TENM3: variants seen among roughly 807,000 people sequenced by gnomAD.
TENM3 encodes teneurin transmembrane protein 3.
Under a neutral mutation model 255.1 loss-of-function variants are expected in TENM3, and 63 were observed. That is an observed-to-expected ratio of 0.25 (90% CI 0.20 to 0.30). The LOEUF is 0.30. Among genes scored for constraint, TENM3 ranks in the 10% least tolerant of loss-of-function variants. The probability of loss-of-function intolerance (pLI) is 1.00; values close to 1 mark genes in which losing one functional copy is unlikely to be tolerated. For synonymous variants in TENM3, 1,306 were observed against 1,322.3 expected, an observed-to-expected ratio of 0.99 and a Z score of 0.27; for missense variants, 2,929 against 3,461.1, an observed-to-expected ratio of 0.85 and a Z score of 3.86.
chr4:181,494,089 G>A, the TENM3 span, among the ~76,000 whole-genome samples: 1 of 152,146 alleles, frequency 6.6e-6, no homozygotes, highest in African/African-American at 2.4e-5. Flanking sequence ...CTGAGGCACA[G>A]AGCCATTAAG....
At chr4:182,554,524 G>A (rs1742387130) in intron 3 of TENM3, among the ~76,000 whole-genome samples, 1 of 152,038 alleles carries the variant, frequency 6.6e-6, no homozygotes, top group Admixed American at 6.6e-5. Flanking sequence ...CCTACTTTGA[G>A]CAAGCCTGTG....
the TENM3 span, among the ~76,000 whole-genome samples, chr4:182,013,312 A>G: frequency 6.6e-6 from 1 of 152,380 alleles, no homozygotes; most frequent in South Asian, 2.1e-4. Flanking sequence ...TAGCAGATGC[A>G]GTAAAGCTTA....
At chr4:182,037,150 A>ATTTTTTTTTTTTTTTT in the TENM3 span, among the ~76,000 whole-genome samples, 11 of 144,736 alleles carry the variant, frequency 7.6e-5, no homozygotes, top group Middle Eastern at 3.6e-3. Flanking sequence ...AACTCCTTTT[A>ATTTTTTTTTTTTTTTT]TTTTTTTTTT....
At chr4:182,101,321 AT>A in the TENM3 span, among the ~76,000 whole-genome samples, 4 of 133,456 alleles carry the variant, frequency 3.0e-5, no homozygotes, top group African/African-American at 1.1e-4. Flanking sequence ...GAAGGAAAGA[AT>A]GGAGGGAGGA....
chr4:182,606,294 C>T (rs998868110), intron 4 of TENM3, among the ~76,000 whole-genome samples: 7 of 152,118 alleles, frequency 4.6e-5, no homozygotes, highest in Admixed American at 6.5e-5. Context: ...GAGGCCGAGG[C>T]GGGTGGATCA....
At chr4:182,619,429 C>CAA (rs201157442) in intron 4 of TENM3, among the ~76,000 whole-genome samples, 21 of 141,494 alleles carry the variant, frequency 1.5e-4, no homozygotes, top group South Asian at 2.3e-4. Flanking sequence ...GTCTCCATCT[C>CAA]AAAAAAAAAA....
chr4:181,509,324 A>G, the TENM3 span, among the ~76,000 whole-genome samples: 1 of 152,140 alleles, frequency 6.6e-6, no homozygotes, highest in Admixed American at 6.5e-5. Context: ...AAAATTTGAA[A>G]TGAATGTTTT....
chr4:182,734,052 C>T (rs1475486335), intron 16 of TENM3, among the ~76,000 whole-genome samples: 1 of 152,100 alleles, frequency 6.6e-6, no homozygotes, highest in African/African-American at 2.4e-5. Flanking sequence ...AGGTACTTTA[C>T]TAAGATAAAA....
chr4:181,680,037 G>T, the TENM3 span, among the ~76,000 whole-genome samples: 1 of 152,070 alleles, frequency 6.6e-6, no homozygotes, highest in Non-Finnish European at 1.5e-5. Flanking sequence ...CTCATTGTCA[G>T]TGTAGCTCTC....
intron 3 of TENM3, among the ~76,000 whole-genome samples, chr4:182,559,425 A>G (rs1742913574): frequency 6.6e-6 from 1 of 152,152 alleles, no homozygotes; most frequent in African/African-American, 2.4e-5. Flanking sequence ...TTGTTTAATT[A>G]CAATGAAATA....
At position 182,215,476 on chromosome 4, in the gene TENM3, T is replaced by C. The variant is rs187421837; in HGVS notation, c.-76+70722T>C. Among the ~76,000 whole-genome samples the C allele has an allele frequency of 1.4e-4, 22 of 152,238 alleles. No individual in the cohort carries two copies. In the East Asian group the frequency reaches 4.2e-3, roughly 29 times the overall value. ...TTTTGCTTTAAAAAGGGTACTGTTT[T>C]CAACTACATAATTAAAAAAACAAAT... On this transcript the variant is annotated intron_variant, in intron 1 of 2. Coordinates refer to the TENM3 transcript ENST00000512480.
intron 3 of TENM3, among the ~76,000 whole-genome samples, chr4:182,570,877 C>G (rs1744292241): frequency 6.6e-6 from 1 of 151,634 alleles, no homozygotes; most frequent in African/African-American, 2.4e-5. Flanking sequence ...AATGAGCAAA[C>G]TATGGTTTGG....
chr4:181,682,806 G>C, the TENM3 span, among the ~76,000 whole-genome samples: 1 of 152,058 alleles, frequency 6.6e-6, no homozygotes, highest in Non-Finnish European at 1.5e-5. Context: ...CTTGAGCTGA[G>C]GTGGGTAAAG....
chr4:182,204,562 G>A lies in TENM3; in HGVS notation c.-76+59808G>A, dbSNP rs1189499769. ...TTCCAGACACTATTTTTCAACTCAG[G>A]TTGTCTCAGTCGTTGCCTCCCACTG... On this transcript the variant is annotated intron_variant, in intron 1 of 2. Coordinates refer to the TENM3 transcript ENST00000512480. Among the ~76,000 whole-genome samples the A allele has an allele frequency of 3.9e-5, 6 of 152,070 alleles. 1 individual carries two copies. Among genetic ancestry groups the A allele is most frequent in the Admixed American group, 3.9e-4 (6 of 15,272 alleles).
At chr4:182,069,816 C>T in the TENM3 span, among the ~76,000 whole-genome samples, 1 of 152,076 alleles carries the variant, frequency 6.6e-6, no homozygotes. Flanking sequence ...AAATTCCAGA[C>T]ACTAAGGCTA....
the TENM3 span, among the ~76,000 whole-genome samples, chr4:181,627,907 C>G: frequency 1.3e-5 from 2 of 152,088 alleles, no homozygotes; most frequent in Non-Finnish European, 2.9e-5. Context: ...TTGAGGAATC[C>G]CTGCACTGTC....
intron 16 of TENM3, 21 bp downstream of exon 16, chr4:182,731,160 G>C: frequency 6.2e-7 from 1 of 1,606,812 alleles, no homozygotes; most frequent in Non-Finnish European, 8.5e-7. Context: ...CTCACAGGCA[G>C]TACTTGTAAA....
the TENM3 span, among the ~76,000 whole-genome samples, chr4:181,559,836 C>A: frequency 5.3e-5 from 8 of 152,162 alleles, no homozygotes; most frequent in Non-Finnish European, 7.3e-5. Flanking sequence ...TGCCTAGGGG[C>A]ATTGAGAAAC....
the TENM3 span, among the ~76,000 whole-genome samples, chr4:181,477,002 C>G: frequency 6.6e-6 from 1 of 152,122 alleles, no homozygotes; most frequent in Non-Finnish European, 1.5e-5. Flanking sequence ...CTCATTTTAT[C>G]AAGAAGAAAA....
Sources: gnomAD v4.1 joint callset for allele counts (sites outside exome capture counted in the v4.1 genomes callset) on GRCh38, gnomAD v4.1.1 for gene constraint, MANE v1.5 for transcripts, NCBI Gene and HGNC (gene_info 2026-07-23, HGNC 2026-07-21) for gene names.